DLGAP2: variants seen among roughly 807,000 people sequenced by gnomAD.
DLGAP2 encodes the protein DLG associated protein 2.
In DLGAP2, 26 loss-of-function variants were observed where a neutral mutation model predicts 100.3. That is an observed-to-expected ratio of 0.26 (90% CI 0.19 to 0.36). The LOEUF is 0.36. Ranked by LOEUF, DLGAP2 falls within the 10% of genes least tolerant of loss-of-function variation. DLGAP2 has a pLI of 1.00. For synonymous variants in DLGAP2, 886 were observed against 630.1 expected (o/e 1.41, Z -6.08); for missense variants, 1,858 against 1,453.2 (o/e 1.28, Z -4.53).
At chr8:1,639,534 C>A (rs980573356) in intron 8 of DLGAP2, among the ~76,000 whole-genome samples, 2 of 152,226 alleles carry the variant, frequency 1.3e-5, no homozygotes, top group Non-Finnish European at 2.9e-5. Flanking sequence ...ACAGCGGAGA[C>A]CCCTGTGGGT....
At chr8:1,281,928 C>T (rs780806353) in intron 3 of DLGAP2, among the ~76,000 whole-genome samples, 6 of 152,210 alleles carry the variant, frequency 3.9e-5, no homozygotes, top group African/African-American at 9.7e-5. Context: ...CAGTTATTGC[C>T]GATGAATGAG....
At chr8:1,414,113 G>C (rs964697987) in intron 3 of DLGAP2, among the ~76,000 whole-genome samples, 5 of 152,206 alleles carry the variant, frequency 3.3e-5, no homozygotes, top group Non-Finnish European at 7.3e-5. Flanking sequence ...AGTAAAGTCA[G>C]AGTTGCAGGC....
intron 12 of DLGAP2, among the ~76,000 whole-genome samples, chr8:1,683,477 C>T (rs1422362673): frequency 6.6e-6 from 1 of 151,324 alleles, no homozygotes; most frequent in African/African-American, 2.4e-5. Context: ...TTCCCCATAC[C>T]CTGGGGGATG....
chr8:787,337 C>T (rs548466385), intron 1 of DLGAP2, among the ~76,000 whole-genome samples: 2 of 152,322 alleles, frequency 1.3e-5, no homozygotes, highest in Middle Eastern at 3.4e-3. Context: ...GAGGACCCTC[C>T]TTCCCATGTT....
intron 3 of DLGAP2, chr8:1,296,117 A>T (rs1190211091): frequency 6.6e-6 from 1 of 152,120 alleles, no homozygotes; most frequent in Non-Finnish European, 1.5e-5. Context: ...GATTTTCAGA[A>T]GGGTGCTTTG....
At position 1,678,595 on chromosome 8, in the gene DLGAP2, G is replaced by A. The variant is rs763597056; in HGVS notation, c.2670G>A (p.Glu890=). ...KRMEGWCKEM[E]REAEENDLSE... ...TGGAAGGCTGGTGCAAAGAGATGGA[G>A]AGAGAGGCGGAGGAGAACGACCTCT... The change falls in exon 12 of 15, where the codon GAG becomes GAA. Residue 890 remains glutamate (E), a synonymous_variant. Coordinates refer to ENST00000637795, the MANE Select transcript of DLGAP2 (RefSeq NM_001346810.2). The A allele has an allele frequency of 1.9e-6, 3 of 1,570,802 alleles. No homozygotes were observed. In the East Asian group the frequency reaches 7.0e-5, roughly 37 times the overall value.
chr8:1,176,655 G>C (rs1033368094), intron 2 of DLGAP2, among the ~76,000 whole-genome samples: 16 of 152,198 alleles, frequency 1.1e-4, no homozygotes, highest in Non-Finnish European at 5.9e-5. Context: ...GGCTGGGCGA[G>C]AGGGCAGGAA....
rs563831199 is a variant in DLGAP2, at chr8:1,246,313, A to C, written c.74-12538A>C. ...TATAAACAAATTTCCCACTATTCAC[A>C]GTTCTGTTTAAGAATGTGAATTTCA... is the stretch of plus-strand genomic sequence containing the variant. On this transcript the variant is annotated intron_variant, in intron 2 of 14. Transcript: ENST00000637795. Among the ~76,000 whole-genome samples the C allele has an allele frequency of 2.0e-5, 3 of 152,334 alleles. No individual in the cohort carries two copies. In the South Asian group the frequency reaches 6.2e-4, roughly 32 times the overall value.
chr8:1,128,071 C>G (rs545187901), intron 2 of DLGAP2, among the ~76,000 whole-genome samples: 44 of 152,296 alleles, frequency 2.9e-4, no homozygotes, highest in Admixed American at 2.9e-3. Flanking sequence ...GCACCATATC[C>G]CGGTGTTGTG....
At chr8:1,304,889 G>A (rs755053824) in intron 3 of DLGAP2, among the ~76,000 whole-genome samples, 10 of 152,184 alleles carry the variant, frequency 6.6e-5, no homozygotes, top group Non-Finnish European at 1.5e-4. Flanking sequence ...CACTGCAATC[G>A]CATTTGATAT....
chr8:925,178 G>T (rs1798787191), intron 2 of DLGAP2, among the ~76,000 whole-genome samples: 1 of 152,140 alleles, frequency 6.6e-6, no homozygotes, highest in Admixed American at 6.5e-5. Context: ...TGTCACTCAA[G>T]CTGGTGTGCA....
chr8:1,102,078 A>G (rs1399847716), intron 2 of DLGAP2, among the ~76,000 whole-genome samples: 1 of 151,916 alleles, frequency 6.6e-6, no homozygotes, highest in African/African-American at 2.4e-5. Context: ...AGATAAAGAG[A>G]AGAACTCATA....
At chr8:1,438,987 T>C (rs539829361) in intron 3 of DLGAP2, among the ~76,000 whole-genome samples, 1 of 152,316 alleles carries the variant, frequency 6.6e-6, no homozygotes, top group East Asian at 1.9e-4. Context: ...TTATAATAGC[T>C]TCTTATGAAG....
At chr8:1,039,320 G>T (rs558628067) in intron 2 of DLGAP2, among the ~76,000 whole-genome samples, 3 of 146,650 alleles carry the variant, frequency 2.0e-5, no homozygotes, top group African/African-American at 5.2e-5. Flanking sequence ...CTCGGTGTGC[G>T]TGGTCAGCTT....
At chr8:1,505,441 T>G (rs1307042889) in intron 4 of DLGAP2, among the ~76,000 whole-genome samples, 3 of 152,204 alleles carry the variant, frequency 2.0e-5, no homozygotes, top group African/African-American at 7.2e-5. Flanking sequence ...TGAGTAGCAT[T>G]GGCTGAAGAG....
intron 8 of DLGAP2, among the ~76,000 whole-genome samples, chr8:1,660,650 A>G (rs775225514): frequency 6.6e-6 from 1 of 152,190 alleles, no homozygotes; most frequent in Non-Finnish European, 1.5e-5. Context: ...TATTAAAACT[A>G]TGTGTTGGAT....
rs149902476 is a variant in DLGAP2, at chr8:1,164,450, G to A, written c.74-94401G>A. Among the ~76,000 whole-genome samples the A allele has an allele frequency of 2.5e-3, 371 of 150,396 alleles. 1 individual carries two copies. Among genetic ancestry groups the A allele is most frequent in the Non-Finnish European group, 4.1e-3 (279 of 67,464 alleles). On this transcript the variant is annotated intron_variant, in intron 2 of 14. Transcript: ENST00000637795. ...TTCAGCCCCATGTGAAAGTCTGGAG[G>A]CGATGGCCTGGCTCTCACTGGCTGA...
intron 3 of DLGAP2, among the ~76,000 whole-genome samples, chr8:1,280,637 C>T (rs1466450619): frequency 6.6e-6 from 1 of 152,170 alleles, no homozygotes; most frequent in Non-Finnish European, 1.5e-5. Context: ...TGGGAAGACC[C>T]GCTGCCACCA....
intron 2 of DLGAP2, among the ~76,000 whole-genome samples, chr8:1,099,936 T>A (rs2129043468): frequency 6.6e-6 from 1 of 152,302 alleles, no homozygotes; most frequent in African/African-American, 2.4e-5. Flanking sequence ...TTCTCCAGGG[T>A]TTTGCTTCCC....
Sources: gnomAD v4.1 joint callset for allele counts (sites outside exome capture counted in the v4.1 genomes callset) on GRCh38, gnomAD v4.1.1 for gene constraint, MANE v1.5 for transcripts, NCBI Gene and HGNC (gene_info 2026-07-23, HGNC 2026-07-21) for gene names.